Variants in NKAIN3 observed in about 807,000 individuals in gnomAD.
NKAIN3 encodes the protein sodium/potassium transporting ATPase interacting 3.
A neutral mutation model predicts 30.2 loss-of-function variants in NKAIN3; 25 were observed. The ratio of observed to expected loss-of-function variants is 0.83; its 90% CI spans 0.60 to 1.16. The LOEUF (loss-of-function observed/expected upper bound fraction) is 1.16, where lower values mean the gene tolerates loss of function less well. Among genes scored for constraint, NKAIN3 ranks in the 50% most tolerant of loss-of-function variants. NKAIN3 has a pLI of 0.00. For missense variants in NKAIN3, 225 were observed against 254.1 expected (o/e 0.89, Z 0.78); for synonymous variants, 91 against 89.6 (o/e 1.02, Z -0.09).
intron 5 of NKAIN3, among the ~76,000 whole-genome samples, chr8:62,939,327 A>T (rs1184172858): frequency 6.6e-6 from 1 of 152,232 alleles, no homozygotes; most frequent in Non-Finnish European, 1.5e-5. Flanking sequence ...TGGAAAACAC[A>T]TTTGAGGGAA....
At chr8:62,533,752 A>G (rs1808559626) in intron 1 of NKAIN3, among the ~76,000 whole-genome samples, 1 of 152,256 alleles carries the variant, frequency 6.6e-6, no homozygotes, top group Non-Finnish European at 1.5e-5. Flanking sequence ...TTTGTGTTAT[A>G]TTCACAGGAA....
At chr8:62,849,978 G>T (rs904622808) in intron 4 of NKAIN3, among the ~76,000 whole-genome samples, 1 of 152,026 alleles carries the variant, frequency 6.6e-6, no homozygotes, top group Non-Finnish European at 1.5e-5. Context: ...CCAGTAATGC[G>T]ATAGCTGGGT....
chr8:62,631,069 C>T (rs1040246018), intron 3 of NKAIN3, among the ~76,000 whole-genome samples: 1 of 152,138 alleles, frequency 6.6e-6, no homozygotes, highest in Non-Finnish European at 1.5e-5. Context: ...TGGAGCTGCT[C>T]TCTCAGTGGC....
intron 1 of NKAIN3, among the ~76,000 whole-genome samples, chr8:62,531,010 C>G (rs914538882): frequency 6.6e-6 from 1 of 152,160 alleles, no homozygotes; most frequent in South Asian, 2.1e-4. Context: ...CATTAAAAAG[C>G]AACCACACTC....
At chr8:62,415,119 TATATA>T (rs1413661981) in intron 1 of NKAIN3, among the ~76,000 whole-genome samples, 54 of 87,190 alleles carry the variant, frequency 6.2e-4, no homozygotes, top group African/African-American at 1.8e-3. Context: ...TTATGTATAA[TATATA>T]ATATACTATA....
intron 1 of NKAIN3, among the ~76,000 whole-genome samples, chr8:62,327,264 A>G (rs1360748687): frequency 2.0e-5 from 3 of 151,944 alleles, no homozygotes. Flanking sequence ...CATTCCGTGG[A>G]TTGCCTTTAT....
intron 3 of NKAIN3, among the ~76,000 whole-genome samples, chr8:62,744,340 A>T (rs1816000830): frequency 6.6e-6 from 1 of 152,204 alleles, no homozygotes; most frequent in Admixed American, 6.5e-5. Flanking sequence ...ACCATTTATA[A>T]ATATGTTATA....
At chr8:62,707,056 TAC>T (rs35879987) in intron 3 of NKAIN3, among the ~76,000 whole-genome samples, 76,077 of 143,206 alleles carry the variant, frequency 0.53, 22,356 homozygotes, top group Non-Finnish European at 0.68. Context: ...CATACATACA[TAC>T]ACACACACAC....
intron 1 of NKAIN3, among the ~76,000 whole-genome samples, chr8:62,514,726 A>T (rs915264615): frequency 9.2e-5 from 14 of 152,120 alleles, no homozygotes; most frequent in African/African-American, 3.4e-4. Context: ...AGTGTAAGGG[A>T]TGTTAATACA....
intron 1 of NKAIN3, among the ~76,000 whole-genome samples, chr8:62,558,742 T>C (rs992715139): frequency 1.3e-5 from 2 of 152,204 alleles, no homozygotes; most frequent in South Asian, 2.1e-4. Flanking sequence ...TTTATTTTGT[T>C]CTTTTTCTAG....
At chr8:62,895,873 G>T (rs975276438) in intron 4 of NKAIN3, among the ~76,000 whole-genome samples, 2 of 152,058 alleles carry the variant, frequency 1.3e-5, no homozygotes, top group African/African-American at 2.4e-5. Context: ...TTCTTACGGA[G>T]CTGTCCTTGC....
At chr8:62,323,929 A>T (rs1034978594) in intron 1 of NKAIN3, among the ~76,000 whole-genome samples, 1 of 152,148 alleles carries the variant, frequency 6.6e-6, no homozygotes, top group Admixed American at 6.5e-5. Flanking sequence ...TAAAACGATT[A>T]GTGGTTTTAA....
chr8:62,805,899 C>T (rs1217055728), intron 4 of NKAIN3, among the ~76,000 whole-genome samples: 1 of 152,148 alleles, frequency 6.6e-6, no homozygotes, highest in African/African-American at 2.4e-5. Context: ...TTGCAACCTA[C>T]TCATCTGACA....
chr8:62,401,837 C>T (rs146915699), intron 1 of NKAIN3, among the ~76,000 whole-genome samples: 37 of 152,262 alleles, frequency 2.4e-4, no homozygotes, highest in African/African-American at 8.2e-4. Flanking sequence ...GGCGGTGACA[C>T]CATCATGGGG....
rs1206251534 is a variant in NKAIN3 at position 62,978,757 on chromosome 8, G to A, written c.*13350G>A. On this transcript the variant is annotated 3_prime_UTR_variant, in exon 7 of 7. Coordinates refer to ENST00000623646, the MANE Select transcript of NKAIN3 (RefSeq NM_001304533.3). ...TCTCTCTGGCATTCCAGACAACTCT[G>A]GGGTACGAAAAAAACTCCTACAGCT... 6.5e-6 allele frequency: 1 copy of A among 152,984 alleles called. No homozygotes were observed. Among genetic ancestry groups the A allele is most frequent in the East Asian group, 1.9e-4 (1 of 5,196 alleles). 9.5% of individuals were successfully genotyped at this position (152,984 alleles called of 1,614,324 possible).
At chr8:62,839,317 C>A (rs996123563) in intron 4 of NKAIN3, among the ~76,000 whole-genome samples, 294 of 130,530 alleles carry the variant, frequency 2.3e-3, no homozygotes, top group African/African-American at 6.0e-3. Flanking sequence ...AAAAAAAAAA[C>A]AAAAACGACT....
chr8:62,409,057 C>T (rs1317821669), intron 1 of NKAIN3, among the ~76,000 whole-genome samples: 1 of 152,170 alleles, frequency 6.6e-6, no homozygotes, highest in African/African-American at 2.4e-5. Flanking sequence ...TATTTGATCA[C>T]TGGTGAGATT....
At chr8:62,422,904 C>T (rs1026640919) in intron 1 of NKAIN3, among the ~76,000 whole-genome samples, 2 of 152,040 alleles carry the variant, frequency 1.3e-5, no homozygotes, top group Non-Finnish European at 2.9e-5. Flanking sequence ...TCATAAGAAA[C>T]AATCCCTTAA....
intron 4 of NKAIN3, among the ~76,000 whole-genome samples, chr8:62,895,181 C>T (rs1821395095): frequency 6.6e-6 from 1 of 152,218 alleles, no homozygotes; most frequent in Non-Finnish European, 1.5e-5. Flanking sequence ...TCTTCCTTCA[C>T]ATTTTTTAAA....
Sources: gnomAD v4.1 joint callset for allele counts (sites outside exome capture counted in the v4.1 genomes callset) on GRCh38, gnomAD v4.1.1 for gene constraint, MANE v1.5 for transcripts, NCBI Gene and HGNC (gene_info 2026-07-23, HGNC 2026-07-21) for gene names.